Variants in NAALADL2 observed in about 807,000 individuals in gnomAD.
NAALADL2 encodes N-acetylated alpha-linked acidic dipeptidase like 2.
A neutral mutation model predicts 87.2 loss-of-function variants in NAALADL2; 76 were observed. That is an observed-to-expected ratio of 0.87 (90% CI 0.72 to 1.05). The LOEUF is 1.05. Among genes scored for constraint, NAALADL2 ranks in the 50% least tolerant of loss-of-function variants. The pLI, the probability that NAALADL2 is intolerant of heterozygous loss-of-function variation, is 0.00. For synonymous variants in NAALADL2, 354 were observed against 331.0 expected, an observed-to-expected ratio of 1.07 and a Z score of -0.75; for missense variants, 1,089 against 945.8, an observed-to-expected ratio of 1.15 and a Z score of -1.99.
chr3:175,332,166 C>T lies in NAALADL2; in HGVS notation c.1090+7841C>T, dbSNP rs111657138. On this transcript the variant is annotated intron_variant, in intron 5 of 13. Transcript: ENST00000454872. Reference sequence around the variant, plus strand: ...TGACCAAACTGCCTAAATGAATCTACAGATTCAATGCAATCCCTATCAATG... The same window carrying T: ...TGACCAAACTGCCTAAATGAATCTATAGATTCAATGCAATCCCTATCAATG... Among the ~76,000 whole-genome samples the T allele has an allele frequency of 2.7e-3, 407 of 152,164 alleles. 2 individuals carry two copies. The highest frequency in any genetic ancestry group is 8.8e-3 in the African/African-American group (364 of 41,514).
chr3:174,641,137 C>T (rs1310758323), intron 2 of NAALADL2, among the ~76,000 whole-genome samples: 1 of 152,132 alleles, frequency 6.6e-6, no homozygotes, highest in Non-Finnish European at 1.5e-5. Flanking sequence ...AGGCCGGAAG[C>T]TGCAGAGCCG....
At chr3:175,590,109 G>A (rs1053002600) in intron 10 of NAALADL2, among the ~76,000 whole-genome samples, 3 of 152,028 alleles carry the variant, frequency 2.0e-5, no homozygotes, top group Non-Finnish European at 2.9e-5. Flanking sequence ...CTACTCAGCA[G>A]GCTGAGGCAG....
intron 13 of NAALADL2, among the ~76,000 whole-genome samples, chr3:175,770,430 G>T (rs534589993): frequency 4.4e-4 from 67 of 152,292 alleles, no homozygotes; most frequent in African/African-American, 1.6e-3. Flanking sequence ...CTTTTGTTAT[G>T]CATTTTAAAT....
chr3:174,637,062 G>A (rs1322963498), intron 2 of NAALADL2, among the ~76,000 whole-genome samples: 1 of 152,080 alleles, frequency 6.6e-6, no homozygotes, highest in Non-Finnish European at 1.5e-5. Context: ...AATGAAATAA[G>A]CAAGGCACAG....
chr3:174,961,077 A>G (rs905678565), intron 1 of NAALADL2, among the ~76,000 whole-genome samples: 2 of 148,046 alleles, frequency 1.4e-5, no homozygotes, highest in African/African-American at 2.4e-5. Flanking sequence ...TATGTATTAT[A>G]TCATTAAATA....
chr3:175,395,794 A>T lies in NAALADL2; in HGVS notation c.1091-51435A>T, dbSNP rs537865888. Among the ~76,000 whole-genome samples the T allele has an allele frequency of 2.4e-3, 370 of 152,336 alleles. 3 individuals carry two copies. The Middle Eastern group carries it at 0.027, about 11-fold the overall frequency. On this transcript the variant is annotated intron_variant, in intron 5 of 13. Coordinates refer to ENST00000454872, the MANE Select transcript of NAALADL2 (RefSeq NM_207015.3). ...CTGTTTTCAAATATAACTTGCTACA[A>T]TAATAACAGCTGCCCCTCTCATGAG... is the stretch of plus-strand genomic sequence containing the variant.
chr3:175,661,399 G>T (rs763213188), intron 11 of NAALADL2, among the ~76,000 whole-genome samples: 1 of 150,818 alleles, frequency 6.6e-6, no homozygotes, highest in Non-Finnish European at 1.5e-5. Context: ...ATATATTCTG[G>T]TTATTAATTC....
At chr3:174,590,358 C>G (rs1169261177) in intron 2 of NAALADL2, among the ~76,000 whole-genome samples, 1 of 152,004 alleles carries the variant, frequency 6.6e-6, no homozygotes, top group Non-Finnish European at 1.5e-5. Context: ...TATTTAGCAT[C>G]TATGCAATAC....
chr3:175,148,696 G>A (rs1378642908), intron 2 of NAALADL2, among the ~76,000 whole-genome samples: 1 of 152,050 alleles, frequency 6.6e-6, no homozygotes, highest in African/African-American at 2.4e-5. Flanking sequence ...TTATTAAATC[G>A]GGAGTCCTTT....
chr3:174,730,568 A>G (rs1478602134), intron 2 of NAALADL2, among the ~76,000 whole-genome samples: 1 of 152,196 alleles, frequency 6.6e-6, no homozygotes, highest in Non-Finnish European at 1.5e-5. Flanking sequence ...AAATTTCTAT[A>G]GAGAACTAAC....
chr3:174,992,370 T>C (rs1191496524), intron 1 of NAALADL2, among the ~76,000 whole-genome samples: 1 of 152,122 alleles, frequency 6.6e-6, no homozygotes, highest in African/African-American at 2.4e-5. Flanking sequence ...AATGAATCTC[T>C]CAGGAACGTT....
At chr3:175,328,489 G>C (rs1199490339) in intron 5 of NAALADL2, among the ~76,000 whole-genome samples, 1 of 151,716 alleles carries the variant, frequency 6.6e-6, no homozygotes, top group Non-Finnish European at 1.5e-5. Context: ...CGTAGGGCAC[G>C]GGGAGCATCT....
At chr3:175,135,317 T>C (rs1412270679) in intron 2 of NAALADL2, among the ~76,000 whole-genome samples, 2 of 152,190 alleles carry the variant, frequency 1.3e-5, no homozygotes, top group African/African-American at 2.4e-5. Context: ...GATAATTCAT[T>C]GTGTTGGGAA....
chr3:175,697,935 A>G (rs1738157560), intron 11 of NAALADL2, among the ~76,000 whole-genome samples: 1 of 9,686 alleles, frequency 1.0e-4, no homozygotes, highest in African/African-American at 3.9e-4. Flanking sequence ...GTATACATAT[A>G]TATGTGTATA....
chr3:174,865,120 A>G (rs1469975980), intron 1 of NAALADL2, among the ~76,000 whole-genome samples: 1 of 152,032 alleles, frequency 6.6e-6, no homozygotes, highest in Admixed American at 6.6e-5. Context: ...TCTGTAATTT[A>G]TATTGAAAAG....
At chr3:175,116,925 T>C (rs1236732213) in intron 2 of NAALADL2, among the ~76,000 whole-genome samples, 1 of 151,922 alleles carries the variant, frequency 6.6e-6, no homozygotes, top group African/African-American at 2.4e-5. Flanking sequence ...TATTGAAGAA[T>C]GGATCAGAAT....
chr3:175,278,314 G>T (rs888499298), intron 4 of NAALADL2, among the ~76,000 whole-genome samples: 2 of 152,076 alleles, frequency 1.3e-5, no homozygotes, highest in Non-Finnish European at 2.9e-5. Context: ...TGTTAAATGA[G>T]TTAATAACAA....
intron 1 of NAALADL2, among the ~76,000 whole-genome samples, chr3:174,919,589 T>C (rs898136238): frequency 9.2e-5 from 14 of 152,186 alleles, no homozygotes; most frequent in African/African-American, 2.9e-4. Flanking sequence ...TGAAGTTATC[T>C]CCTCCACTGA....
At chr3:175,327,116 G>T (rs970860016) in intron 5 of NAALADL2, among the ~76,000 whole-genome samples, 1 of 147,800 alleles carries the variant, frequency 6.8e-6, no homozygotes, top group African/African-American at 2.5e-5. Flanking sequence ...CATTCCATAC[G>T]CCTCACCCAG....
Sources: gnomAD v4.1 joint callset for allele counts (sites outside exome capture counted in the v4.1 genomes callset) on GRCh38, gnomAD v4.1.1 for gene constraint, MANE v1.5 for transcripts, NCBI Gene and HGNC (gene_info 2026-07-23, HGNC 2026-07-21) for gene names.